Variants in NCKAP5 observed in about 807,000 individuals in gnomAD.
NCKAP5 encodes NCK associated protein 5.
In NCKAP5, 92 loss-of-function variants were observed where a neutral mutation model predicts 167.0. The observed-to-expected ratio is 0.55, with a 90% CI of 0.47 to 0.66. The LOEUF (loss-of-function observed/expected upper bound fraction) is 0.66, where lower values mean the gene tolerates loss of function less well. Among genes scored for constraint, NCKAP5 ranks in the 30% least tolerant of loss-of-function variants. NCKAP5 has a pLI of 0.00. For missense variants in NCKAP5, 2,378 were observed against 2,315.0 expected, an observed-to-expected ratio of 1.03 and a Z score of -0.56; for synonymous variants, 891 against 877.4, an observed-to-expected ratio of 1.02 and a Z score of -0.27.
intron 3 of NCKAP5, among the ~76,000 whole-genome samples, chr2:133,376,793 C>T (rs1686176169): frequency 6.6e-6 from 1 of 152,174 alleles, no homozygotes. Context: ...GGCAGAATAA[C>T]ACAATTGTTA....
At chr2:133,433,361 A>G (rs1263328101) in intron 3 of NCKAP5, 1 of 152,154 alleles carries the variant, frequency 6.6e-6, no homozygotes, top group Non-Finnish European at 1.5e-5. Context: ...GATACCTTTT[A>G]CTTTGAATAT....
chr2:133,286,260 T>C (rs560096196), intron 4 of NCKAP5, among the ~76,000 whole-genome samples: 154 of 152,222 alleles, frequency 1.0e-3, no homozygotes, highest in Non-Finnish European at 1.8e-3. Context: ...CCTCCCAAAG[T>C]GCTGGGATTA....
At position 133,030,050 on chromosome 2, in the gene NCKAP5, A is replaced by C. The variant is rs377523411; in HGVS notation, c.342-35811T>G. Among the ~76,000 whole-genome samples, 12 of 152,160 alleles carry C rather than the reference A, an allele frequency of 7.9e-5. No individual in the cohort carries two copies. In the South Asian group the frequency reaches 8.3e-4, roughly 11 times the overall value. On this transcript the variant is annotated intron_variant, in intron 6 of 19. Coordinates refer to ENST00000409261, the MANE Select transcript of NCKAP5 (RefSeq NM_207363.3). ...GCACTTGTAGAAGCTGTTGGTCAAA[A>C]CCCCCTCCGACACAGAAACAGTGTT...
chr2:133,355,299 AGTATAAAT>A (rs1261727098), intron 3 of NCKAP5, among the ~76,000 whole-genome samples: 2 of 152,174 alleles, frequency 1.3e-5, no homozygotes, highest in Non-Finnish European at 2.9e-5. Flanking sequence ...GTTACTGTTG[AGTATAAAT>A]GTGCCACTTT....
At chr2:132,873,405 G>A (rs1338643509) in intron 9 of NCKAP5, among the ~76,000 whole-genome samples, 3 of 152,134 alleles carry the variant, frequency 2.0e-5, no homozygotes, top group African/African-American at 4.8e-5. Flanking sequence ...GAGCCACTGC[G>A]CCCAGCCGAA....
chr2:133,279,789 A>T (rs2089872477), intron 4 of NCKAP5, among the ~76,000 whole-genome samples: 1 of 152,238 alleles, frequency 6.6e-6, no homozygotes, highest in African/African-American at 2.4e-5. Context: ...GCCTGGTTAA[A>T]TAGTTCCTGG....
chr2:132,827,467 T>C lies in NCKAP5; in HGVS notation c.808-30738A>G, dbSNP rs540004282. 1.1e-4 allele frequency among the ~76,000 whole-genome samples: 16 copies of C among 152,310 alleles called. 1 individual carries two copies. In the South Asian group the frequency reaches 3.3e-3, roughly 32 times the overall value. ...GTACATAGTGATGCTGTTACACATATAATGTACAGTGATCATATCAGGGTA... is the reference window on the plus strand; with the variant it reads ...GTACATAGTGATGCTGTTACACATACAATGTACAGTGATCATATCAGGGTA... On this transcript the variant is annotated intron_variant, in intron 11 of 19. Coordinates refer to ENST00000409261, the MANE Select transcript of NCKAP5 (RefSeq NM_207363.3).
intron 16 of NCKAP5, among the ~76,000 whole-genome samples, chr2:132,739,305 A>T (rs1691807548): frequency 6.6e-6 from 1 of 152,196 alleles, no homozygotes; most frequent in Non-Finnish European, 1.5e-5. Flanking sequence ...TTATTAACGT[A>T]TCTGTCAAAA....
chr2:132,828,083 A>G (rs1167158891), intron 11 of NCKAP5, among the ~76,000 whole-genome samples: 4 of 152,190 alleles, frequency 2.6e-5, no homozygotes, highest in Non-Finnish European at 5.9e-5. Flanking sequence ...TTCATGAAAA[A>G]TGGAGACACT....
intron 11 of NCKAP5, among the ~76,000 whole-genome samples, chr2:132,856,635 T>C (rs1246709412): frequency 6.6e-6 from 1 of 152,164 alleles, no homozygotes; most frequent in African/African-American, 2.4e-5. Flanking sequence ...ATCAGGATAA[T>C]GGTTACACAG....
chr2:132,987,702 T>C (rs2077328381), intron 7 of NCKAP5, among the ~76,000 whole-genome samples: 3 of 152,116 alleles, frequency 2.0e-5, no homozygotes, highest in Non-Finnish European at 4.4e-5. Context: ...ACCAAAAACT[T>C]GGACATCACT....
In NCKAP5 at chr2:133,212,847, A is replaced by C. The variant is rs541571727; in HGVS notation, c.207+869T>G. Among the ~76,000 whole-genome samples the C allele has an allele frequency of 3.3e-5, 5 of 152,308 alleles. No homozygotes were observed. In the East Asian group the frequency reaches 9.6e-4, roughly 29 times the overall value. The stretch of plus-strand genomic sequence containing the variant: ...AGCCCTTTGATTTCCCTGTTGACAG[A>C]AGTATGAGGCCAGCATATTTTACAA... On this transcript the variant is annotated intron_variant, in intron 5 of 19. Coordinates refer to ENST00000409261, the MANE Select transcript of NCKAP5 (RefSeq NM_207363.3).
At chr2:133,084,829 A>C (rs542653283) in intron 6 of NCKAP5, among the ~76,000 whole-genome samples, 7 of 152,232 alleles carry the variant, frequency 4.6e-5, no homozygotes, top group Non-Finnish European at 8.8e-5. Context: ...TCCCCTCAAA[A>C]ATTTCAAATC....
chr2:132,963,688 T>C (rs1169465754), intron 8 of NCKAP5, 32 bp downstream of exon 8: 4 of 1,605,668 alleles, frequency 2.5e-6, no homozygotes, highest in Non-Finnish European at 3.4e-6. Context: ...GTTATTTTTC[T>C]TGAAGAGTGT....
chr2:133,096,055 A>G (rs1468884095), intron 6 of NCKAP5, among the ~76,000 whole-genome samples: 1 of 152,204 alleles, frequency 6.6e-6, no homozygotes, highest in African/African-American at 2.4e-5. Context: ...CTATCAGTGT[A>G]TAATACGGTG....
chr2:132,965,422 C>T (rs1047800794), intron 7 of NCKAP5, among the ~76,000 whole-genome samples: 1 of 152,092 alleles, frequency 6.6e-6, no homozygotes, highest in South Asian at 2.1e-4. Flanking sequence ...AAAGAAGTAC[C>T]TTTACTTCTC....
At chr2:133,078,993 G>C (rs2080711735) in intron 6 of NCKAP5, among the ~76,000 whole-genome samples, 2 of 152,108 alleles carry the variant, frequency 1.3e-5, no homozygotes, top group Admixed American at 1.3e-4. Flanking sequence ...TTAGTAACTA[G>C]AAAGTTCAAA....
At chr2:132,963,649 A>G (rs1156761267) in intron 8 of NCKAP5, 71 bp downstream of exon 8, 2 of 1,482,120 alleles carry the variant, frequency 1.3e-6, no homozygotes, top group Non-Finnish European at 1.9e-6. Context: ...CTCACTCAAA[A>G]CCAGTGCCAA....
chr2:133,572,547 G>T (rs536704203), upstream of NCKAP5, among the ~76,000 whole-genome samples: 1 of 152,096 alleles, frequency 6.6e-6, no homozygotes, highest in Non-Finnish European at 1.5e-5. Flanking sequence ...AGAAAATATC[G>T]GCGGTGGGGG....
Sources: allele counts gnomAD v4.1 joint callset (sites outside exome capture counted in the v4.1 genomes callset), GRCh38; gene constraint gnomAD v4.1.1; transcripts MANE v1.5; gene names NCBI Gene and HGNC (gene_info 2026-07-23, HGNC 2026-07-21).